Variants in DIP2C observed in about 807,000 individuals in gnomAD.
DIP2C encodes disco-interacting protein 2 homolog C.
A neutral mutation model predicts 192.4 loss-of-function variants in DIP2C; 33 were observed. The ratio of observed to expected loss-of-function variants is 0.17; its 90% confidence interval spans 0.13 to 0.23. The LOEUF is 0.23. DIP2C is among the 10% of genes least tolerant of loss of function. The pLI, the probability that DIP2C is intolerant of heterozygous loss-of-function variation, is 1.00. For missense variants in DIP2C, 1,537 were observed against 2,110.1 expected (o/e 0.73, Z 5.32); for synonymous variants, 979 against 864.1 (o/e 1.13, Z -2.33).
intron 1 of DIP2C, among the ~76,000 whole-genome samples, chr10:523,933 G>T (rs1209064604): frequency 2.6e-5 from 4 of 152,200 alleles, no homozygotes; most frequent in Non-Finnish European, 4.4e-5. Flanking sequence ...AGCATTTTAG[G>T]AACCTGAGGG....
intron 1 of DIP2C, among the ~76,000 whole-genome samples, chr10:511,580 G>A (rs1001275616): frequency 6.6e-6 from 1 of 152,114 alleles, no homozygotes; most frequent in Non-Finnish European, 1.5e-5. Context: ...TAAAGACTTA[G>A]AACTGTGGCT....
chr10:279,333 A>C (rs747927329), intron 36 of DIP2C, among the ~76,000 whole-genome samples: 46 of 152,218 alleles, frequency 3.0e-4, no homozygotes, highest in Admixed American at 5.2e-4. Flanking sequence ...ACGGCATTTG[A>C]AATGTATGGA....
chr10:604,444 CAACATCTGAGTCGGAGAGGCCAAGCAAT>C (rs1217178246), intron 1 of DIP2C, among the ~76,000 whole-genome samples: 1 of 152,160 alleles, frequency 6.6e-6, no homozygotes, highest in Non-Finnish European at 1.5e-5. Context: ...CAATGTAACT[CAACATCTGAGTCGGAGAGGCCAAGCAAT>C]AAGACTTTCA....
At chr10:284,251 G>A (rs573131898) in intron 34 of DIP2C, among the ~76,000 whole-genome samples, 194 of 152,266 alleles carry the variant, frequency 1.3e-3, no homozygotes, top group African/African-American at 3.8e-3. Context: ...CTGCACCCAC[G>A]TCCCCAGAGC....
At chr10:388,908 G>C (rs553398570) in intron 13 of DIP2C, among the ~76,000 whole-genome samples, 10 of 151,552 alleles carry the variant, frequency 6.6e-5, no homozygotes, top group Non-Finnish European at 1.5e-5. Context: ...TCCGGAGGGG[G>C]TCTCAAGGGG....
intron 4 of DIP2C, among the ~76,000 whole-genome samples, chr10:432,247 A>G (rs1274955865): frequency 1.3e-5 from 2 of 152,210 alleles, no homozygotes; most frequent in African/African-American, 4.8e-5. Context: ...TTATGTTCTG[A>G]AAGAGATTGT....
In DIP2C at chr10:440,894, G is replaced by A. The variant is rs1260869703; in HGVS notation, c.371C>T (p.Ser124Leu). ...SKRRSLVVQT[S>L]MDAYTPPDTS... ...ACCTGGAGGGGTGTAGGCGTCCATC[G>A]AGGTCTGCACGACCAGGGACCTGCG... is the stretch of plus-strand genomic sequence containing the variant. Residue 124 changes from serine to leucine, a missense_variant, in exon 4 of 37, where the codon TCG (serine) becomes TTG (leucine). This residue lies in a region of DIP2C where 473 missense variants were observed against 539.6 expected (regional missense o/e 0.88). Coordinates refer to ENST00000280886, the MANE Select transcript of DIP2C (RefSeq NM_014974.3). The A allele has an allele frequency of 1.9e-6, 3 of 1,613,330 alleles. No individual in the cohort carries two copies. The highest frequency in any genetic ancestry group is 1.7e-5 in the Admixed American group (1 of 60,002).
intron 3 of DIP2C, among the ~76,000 whole-genome samples, chr10:467,543 TAAAATA>T (rs1564748064): frequency 4.6e-5 from 1 of 21,690 alleles, no homozygotes; most frequent in Non-Finnish European, 1.8e-4. Context: ...AAAAAATAAA[TAAAATA>T]AAAATTATTT....
At chr10:451,762 T>C (rs777738162) in intron 3 of DIP2C, among the ~76,000 whole-genome samples, 3 of 152,154 alleles carry the variant, frequency 2.0e-5, no homozygotes, top group Non-Finnish European at 4.4e-5. Flanking sequence ...CTTGATGGAA[T>C]GAGGCCATAG....
intron 1 of DIP2C, among the ~76,000 whole-genome samples, chr10:604,032 T>G (rs891870192): frequency 7.5e-5 from 1 of 13,372 alleles, no homozygotes; most frequent in Non-Finnish European, 1.8e-4. Flanking sequence ...CCCCCAGCCC[T>G]GCCCTCAGCC....
At chr10:336,759 C>G (rs914923749) in intron 29 of DIP2C, among the ~76,000 whole-genome samples, 1 of 152,174 alleles carries the variant, frequency 6.6e-6, no homozygotes. Context: ...CCTGAAGGCC[C>G]TCCAGTGGGA....
Position 579,881 on chromosome 10 carries a change from G to A in DIP2C, c.86-93351C>T, listed in dbSNP as rs147976139. 8.9e-3 allele frequency among the ~76,000 whole-genome samples: 1,346 copies of A among 151,606 alleles called. 26 individuals are homozygous for A. Among genetic ancestry groups the A allele is most frequent in the African/African-American group, 0.031 (1,291 of 41,088 alleles). ...CATGCATATGTACACTATAACACAT[G>A]TACATGCATCTAGCACACAATCTAT... On this transcript the variant is annotated intron_variant, in intron 1 of 36. Transcript: ENST00000280886.
intron 29 of DIP2C, among the ~76,000 whole-genome samples, chr10:335,796 T>TGGCTA (rs1355836384): frequency 6.6e-6 from 1 of 152,262 alleles, no homozygotes; most frequent in Non-Finnish European, 1.5e-5. Flanking sequence ...ATTTCGTGGA[T>TGGCTA]GGCTACTATA....
At chr10:457,713 C>A (rs912612566) in intron 3 of DIP2C, among the ~76,000 whole-genome samples, 20 of 151,548 alleles carry the variant, frequency 1.3e-4, no homozygotes, top group Non-Finnish European at 2.5e-4. Context: ...GTGGCCACCA[C>A]ACCCGGCTAG....
chr10:651,491 T>C lies in DIP2C; in HGVS notation c.85+38003A>G, dbSNP rs983352326. 6 of 594,956 alleles carry C rather than the reference T, an allele frequency of 1.0e-5. No homozygotes were observed. The highest frequency in any genetic ancestry group is 3.7e-5 in the African/African-American group (2 of 54,486). The allele number at this position is 594,956 out of a possible 1,614,324, so 36.9% of individuals were successfully genotyped here. On this transcript the variant is annotated intron_variant, in intron 1 of 36. Coordinates refer to ENST00000280886, the MANE Select transcript of DIP2C (RefSeq NM_014974.3). The surrounding 1 kb of genome is among the most constrained non-coding windows in gnomAD (Gnocchi z 4.1). ...AATGTATGAGTAACAATTACAATTA[T>C]ATGAAAATCCGTATCCACGTGAAGG... is the stretch of plus-strand genomic sequence containing the variant.
chr10:444,726 G>A (rs1564719946), intron 3 of DIP2C, among the ~76,000 whole-genome samples: 1 of 152,224 alleles, frequency 6.6e-6, no homozygotes, highest in Non-Finnish European at 1.5e-5. Context: ...CAAGGCTCCT[G>A]GAACTCATCG....
intron 1 of DIP2C, among the ~76,000 whole-genome samples, chr10:549,146 C>T (rs575693505): frequency 6.6e-6 from 1 of 152,234 alleles, no homozygotes; most frequent in African/African-American, 2.4e-5. Flanking sequence ...CTTTAAGAGT[C>T]CCCAAAATGC....
Position 419,060 on chromosome 10 carries a change from C to T in DIP2C, c.739+5G>A. On this transcript the variant is annotated splice_donor_5th_base_variant and intron_variant, in intron 6 of 36. Coordinates refer to ENST00000280886, the MANE Select transcript of DIP2C (RefSeq NM_014974.3). ...AAAAAAACGCATCTCTCCTTTGGGA[C>T]GTACCATCCCCGGTCTCCATGAGCT... 1 of 1,614,240 alleles carries T rather than the reference C, an allele frequency of 6.2e-7. No individual in the cohort carries two copies.
At chr10:384,508 G>C (rs1284758029) in intron 15 of DIP2C, 38 bp downstream of exon 15, 1 of 1,601,826 alleles carries the variant, frequency 6.2e-7, no homozygotes, top group African/African-American at 1.3e-5. Context: ...AAAGCGCTGG[G>C]ATTACAGGTG....
Sources: gnomAD v4.1 joint callset for allele counts (sites outside exome capture counted in the v4.1 genomes callset) on GRCh38, gnomAD v4.1.1 for gene constraint, gnomAD v4.1.1 regional missense constraint, Gnocchi (gnomAD v3.1) non-coding constraint, MANE v1.5 for transcripts, NCBI Gene and HGNC (gene_info 2026-07-23, HGNC 2026-07-21) for gene names.